PDE4D: variants seen among roughly 807,000 people sequenced by gnomAD.
PDE4D encodes the protein phosphodiesterase 4D.
In PDE4D, 24 loss-of-function variants were observed where a neutral mutation model predicts 87.4. The ratio of observed to expected loss-of-function variants is 0.27; its 90% CI spans 0.20 to 0.39. PDE4D has a LOEUF of 0.39. Ranked by LOEUF, PDE4D falls within the 10% of genes least tolerant of loss-of-function variation. The pLI is 1.00. For missense variants in PDE4D, 714 were observed against 1,041.0 expected (o/e 0.69, Z 4.32); for synonymous variants, 384 against 383.2 (o/e 1.00, Z -0.02).
intron 1 of PDE4D, among the ~76,000 whole-genome samples, chr5:59,890,221 C>A (rs1204064489): frequency 3.3e-5 from 5 of 151,232 alleles, no homozygotes; most frequent in African/African-American, 1.2e-4. Flanking sequence ...TTAAACCCCC[C>A]ATTTGGATGA....
intron 1 of PDE4D, among the ~76,000 whole-genome samples, chr5:59,775,391 A>G (rs1179428685): frequency 6.6e-6 from 1 of 152,158 alleles, no homozygotes; most frequent in Non-Finnish European, 1.5e-5. Context: ...TAAGTGCAAA[A>G]CACTAGTGCA....
At chr5:59,285,330 C>T (rs1205611136) in intron 1 of PDE4D, among the ~76,000 whole-genome samples, 1 of 151,846 alleles carries the variant, frequency 6.6e-6, no homozygotes, top group African/African-American at 2.4e-5. Context: ...CTTTGGTCAA[C>T]GGTGGTAGAT....
intron 1 of PDE4D, among the ~76,000 whole-genome samples, chr5:59,612,572 TAAAC>T (rs1270151177): frequency 1.3e-5 from 2 of 151,708 alleles, no homozygotes; most frequent in African/African-American, 4.8e-5. Flanking sequence ...AGATGAAAAA[TAAAC>T]AAAAAGAAAA....
chr5:59,929,794 C>T (rs1017409), intron 3 of PDE4D, among the ~76,000 whole-genome samples: 55,103 of 151,978 alleles, frequency 0.36, 11,767 homozygotes, highest in East Asian at 0.74. Flanking sequence ...GACAAGCCCA[C>T]CTTACAAAAG....
intron 1 of PDE4D, among the ~76,000 whole-genome samples, chr5:59,704,341 CA>C (rs1753060909): frequency 2.0e-5 from 3 of 152,196 alleles, no homozygotes; most frequent in Admixed American, 2.0e-4. Flanking sequence ...CTCCTTCTTT[CA>C]ACATTTATTG....
chr5:58,985,560 C>T (rs964279201), intron 11 of PDE4D, among the ~76,000 whole-genome samples: 85 of 152,242 alleles, frequency 5.6e-4, no homozygotes, highest in African/African-American at 1.7e-3. Context: ...TCAGTGCTTC[C>T]GTAGCTTCCT....
intron 11 of PDE4D, among the ~76,000 whole-genome samples, chr5:58,980,089 TATCGAC>T (rs932953887): frequency 2.0e-5 from 3 of 152,204 alleles, no homozygotes; most frequent in African/African-American, 7.2e-5. Context: ...ATACTGTTGT[TATCGAC>T]ATTTTAAGGC....
chr5:59,715,231 T>A (rs964791444), intron 1 of PDE4D, among the ~76,000 whole-genome samples: 1 of 152,204 alleles, frequency 6.6e-6, no homozygotes, highest in Non-Finnish European at 1.5e-5. Flanking sequence ...GGGCACCTAC[T>A]TGAAGCAACA....
chr5:60,361,421 A>G (rs1467877431), intron 1 of PDE4D, among the ~76,000 whole-genome samples: 1 of 152,262 alleles, frequency 6.6e-6, no homozygotes, highest in East Asian at 1.9e-4. Flanking sequence ...TCAATAAATC[A>G]ATGGTAACTA....
At chr5:59,771,494 AGAGAG>A (rs1232007008) in intron 1 of PDE4D, among the ~76,000 whole-genome samples, 513 of 23,766 alleles carry the variant, frequency 0.022, 4 homozygotes, top group African/African-American at 0.042. Flanking sequence ...AGAGAGAGAG[AGAGAG>A]AAGAAAGAAA....
At chr5:59,773,954 C>T (rs1479011880) in intron 1 of PDE4D, among the ~76,000 whole-genome samples, 1 of 151,996 alleles carries the variant, frequency 6.6e-6, no homozygotes, top group Admixed American at 6.6e-5. Flanking sequence ...ATGATTGGTG[C>T]CTTCTGGGTT....
intron 1 of PDE4D, among the ~76,000 whole-genome samples, chr5:59,804,798 GT>G (rs1269470080): frequency 6.6e-6 from 1 of 151,904 alleles, no homozygotes; most frequent in Non-Finnish European, 1.5e-5. Context: ...TCTATTTTTT[GT>G]TTTTTCTTTT....
At chr5:59,020,769 G>C (rs1412700699) in intron 6 of PDE4D, among the ~76,000 whole-genome samples, 4 of 151,888 alleles carry the variant, frequency 2.6e-5, no homozygotes, top group East Asian at 1.9e-4. Flanking sequence ...AATGGAAGAA[G>C]AACAATTACC....
chr5:60,050,156 A>T (rs1292145655), intron 2 of PDE4D, among the ~76,000 whole-genome samples: 1 of 152,062 alleles, frequency 6.6e-6, no homozygotes, highest in Non-Finnish European at 1.5e-5. Flanking sequence ...CCTTTCTTTG[A>T]CTAGGAAAGG....
chr5:59,736,587 G>A (rs545566661), intron 1 of PDE4D, among the ~76,000 whole-genome samples: 2 of 152,028 alleles, frequency 1.3e-5, no homozygotes, highest in African/African-American at 2.4e-5. Flanking sequence ...GCTGAGGCAC[G>A]AGAATTGCTT....
intron 2 of PDE4D, among the ~76,000 whole-genome samples, chr5:60,080,028 T>C (rs1773752909): frequency 6.6e-6 from 1 of 152,228 alleles, no homozygotes; most frequent in African/African-American, 2.4e-5. Flanking sequence ...TTTTTCCATT[T>C]GTTTGTGTCC....
rs562602858 is a variant in PDE4D at position 59,026,523 on chromosome 5, A to C, written c.921+12336T>G. On this transcript the variant is annotated intron_variant, in intron 6 of 14. Coordinates refer to ENST00000340635, the MANE Select transcript of PDE4D (RefSeq NM_001104631.2). ...GGTGTCAGGATGGCCAAGTGGTCTA[A>C]GGCACCAGACACTCACTGGGTTGGG... is the stretch of plus-strand genomic sequence containing the variant. Among the ~76,000 whole-genome samples, 3 of 152,312 alleles carry C rather than the reference A, an allele frequency of 2.0e-5. No individual in the cohort carries two copies. The South Asian group carries it at 6.2e-4, about 32-fold the overall frequency.
At chr5:59,754,797 A>ACTT (rs1760977624) in intron 1 of PDE4D, among the ~76,000 whole-genome samples, 1 of 96,870 alleles carries the variant, frequency 1.0e-5, no homozygotes, top group Non-Finnish European at 2.0e-5. Context: ...TCCACAGAAC[A>ACTT]TTTTTTTTTT....
At chr5:59,126,095 T>TAAAAA (rs72194172) in intron 5 of PDE4D, among the ~76,000 whole-genome samples, 2 of 127,868 alleles carry the variant, frequency 1.6e-5, no homozygotes, top group Non-Finnish European at 1.6e-5. Flanking sequence ...AGTACAATTG[T>TAAAAA]AAAAAAAAAA....
Sources: allele counts gnomAD v4.1 joint callset (sites outside exome capture counted in the v4.1 genomes callset), GRCh38; gene constraint gnomAD v4.1.1; transcripts MANE v1.5; gene names NCBI Gene and HGNC (gene_info 2026-07-23, HGNC 2026-07-21).